MSRA: variants seen among roughly 807,000 people sequenced by gnomAD.
MSRA encodes the protein mitochondrial peptide methionine sulfoxide reductase.
A neutral mutation model predicts 31.3 loss-of-function variants in MSRA; 54 were observed. The ratio of observed to expected loss-of-function variants is 1.73; its 90% CI spans 1.39 to 2.17. The LOEUF (loss-of-function observed/expected upper bound fraction) is 2.17. Among genes scored for constraint, MSRA ranks in the 30% most tolerant of loss-of-function variants. The probability of loss-of-function intolerance (pLI) is 0.00; values close to 1 mark genes in which losing one functional copy is unlikely to be tolerated. For missense variants in MSRA, 507 were observed against 300.9 expected (o/e 1.69, Z -5.07); for synonymous variants, 169 against 116.5 (o/e 1.45, Z -2.90).
intron 3 of MSRA, among the ~76,000 whole-genome samples, chr8:10,248,022 C>A (rs1301036357): frequency 1.3e-5 from 2 of 152,150 alleles, no homozygotes; most frequent in Non-Finnish European, 2.9e-5. Context: ...TCTGAAGCCT[C>A]TGGTGCTCAA....
intron 3 of MSRA, among the ~76,000 whole-genome samples, chr8:10,282,031 G>C (rs1191736314): frequency 6.6e-6 from 1 of 152,190 alleles, no homozygotes; most frequent in Admixed American, 6.5e-5. Context: ...AACAGGGTGG[G>C]TTCTTCCAGA....
intron 5 of MSRA, among the ~76,000 whole-genome samples, chr8:10,416,415 C>T (rs1202609960): frequency 6.6e-6 from 1 of 152,248 alleles, no homozygotes; most frequent in African/African-American, 2.4e-5. Context: ...AGGAAATAAA[C>T]GATTCCATCG....
chr8:10,400,382 T>TGTGTAGTGG (rs10660134), intron 5 of MSRA, among the ~76,000 whole-genome samples: 11 of 91,918 alleles, frequency 1.2e-4, no homozygotes, highest in Non-Finnish European at 2.8e-4. Context: ...TGTGTGTGTG[T>TGTGTAGTGG]GTAGTGTGTA....
chr8:10,410,758 A>G (rs531861706), intron 5 of MSRA, among the ~76,000 whole-genome samples: 3 of 152,328 alleles, frequency 2.0e-5, no homozygotes, highest in African/African-American at 7.2e-5. Context: ...TGCTGCTTTC[A>G]GTGTAGAGTG....
chr8:10,259,879 C>T (rs568101592), intron 3 of MSRA, among the ~76,000 whole-genome samples: 24 of 152,322 alleles, frequency 1.6e-4, no homozygotes, highest in South Asian at 4.1e-4. Flanking sequence ...GTTCCTGACT[C>T]GGGCTCTGCC....
chr8:10,121,237 G>C (rs367546879), intron 1 of MSRA, among the ~76,000 whole-genome samples: 9 of 152,092 alleles, frequency 5.9e-5, no homozygotes, highest in East Asian at 3.9e-4. Context: ...AAATGATGGG[G>C]GTGGGAGCCT....
intron 1 of MSRA, among the ~76,000 whole-genome samples, chr8:10,122,240 C>T (rs1436366163): frequency 6.6e-6 from 1 of 152,086 alleles, no homozygotes; most frequent in Non-Finnish European, 1.5e-5. Context: ...GAGGTGGGTT[C>T]CTGAAACCTG....
intron 1 of MSRA, among the ~76,000 whole-genome samples, chr8:10,168,688 C>T (rs865809288): frequency 6.6e-6 from 1 of 152,130 alleles, no homozygotes; most frequent in African/African-American, 2.4e-5. Flanking sequence ...AGCTGGGATT[C>T]GACCACACTT....
At chr8:10,397,739 G>T (rs893605011) in intron 5 of MSRA, among the ~76,000 whole-genome samples, 2 of 152,194 alleles carry the variant, frequency 1.3e-5, no homozygotes, top group Non-Finnish European at 2.9e-5. Flanking sequence ...ATTTTGCGTG[G>T]AACATGAAGA....
chr8:10,211,967 G>A (rs1244238452), intron 2 of MSRA, among the ~76,000 whole-genome samples: 3 of 152,056 alleles, frequency 2.0e-5, no homozygotes, highest in Non-Finnish European at 4.4e-5. Context: ...GGTGGAAAAT[G>A]GAGGGCAGGG....
intron 1 of MSRA, among the ~76,000 whole-genome samples, chr8:10,197,444 A>G (rs550120323): frequency 3.9e-4 from 59 of 152,284 alleles, no homozygotes; most frequent in African/African-American, 1.3e-3. Context: ...TGCTGTCAAC[A>G]CAGAGGCATG....
At chr8:10,296,740 G>A (rs1002943177) in intron 3 of MSRA, among the ~76,000 whole-genome samples, 21 of 152,186 alleles carry the variant, frequency 1.4e-4, no homozygotes, top group Admixed American at 7.9e-4. Flanking sequence ...TGTGGGTCCC[G>A]AGGAAAGGCA....
rs192208594 is a variant in MSRA at position 10,346,636 on chromosome 8, T to C, written c.543+26647T>C. On this transcript the variant is annotated intron_variant, in intron 5 of 5. Coordinates refer to ENST00000317173, the MANE Select transcript of MSRA (RefSeq NM_012331.5). ...GAAAAGAGGGAAAGCTTCAAGTATG[T>C]CCTGATTGGAGGCTGTTGGCCTGGG... Among the ~76,000 whole-genome samples, 167 of 152,286 alleles carry C rather than the reference T, an allele frequency of 1.1e-3. 2 individuals are homozygous for C. Among genetic ancestry groups the C allele is most frequent in the Non-Finnish European group, 6.2e-4 (42 of 68,024 alleles).
chr8:10,388,033 G>T (rs546110649), intron 5 of MSRA, among the ~76,000 whole-genome samples: 2 of 152,104 alleles, frequency 1.3e-5, no homozygotes, highest in Non-Finnish European at 2.9e-5. Flanking sequence ...CACCTTCTAG[G>T]TTCTCCAATG....
At chr8:10,411,901 G>A (rs1167385335) in intron 5 of MSRA, among the ~76,000 whole-genome samples, 1 of 152,190 alleles carries the variant, frequency 6.6e-6, no homozygotes, top group African/African-American at 2.4e-5. Flanking sequence ...GTGGCGAACA[G>A]CCCTGTTCTG....
At chr8:10,151,261 C>CAA (rs34388218) in intron 1 of MSRA, among the ~76,000 whole-genome samples, 106 of 109,132 alleles carry the variant, frequency 9.7e-4, no homozygotes, top group African/African-American at 2.0e-3. Context: ...GAGTCTGTCT[C>CAA]AAAAAAAAAA....
intron 4 of MSRA, among the ~76,000 whole-genome samples, chr8:10,318,479 A>G (rs1312506093): frequency 6.6e-6 from 1 of 152,168 alleles, no homozygotes; most frequent in Non-Finnish European, 1.5e-5. Context: ...ACACACACGA[A>G]TTCTTTCTGC....
intron 2 of MSRA, among the ~76,000 whole-genome samples, 179 bp from the exon 3 acceptor site, chr8:10,244,925 A>G (rs186207620): frequency 6.6e-6 from 1 of 152,342 alleles, no homozygotes; most frequent in East Asian, 1.9e-4. Flanking sequence ...TGTAAATAAA[A>G]TTATTTACCA....
chr8:10,189,985 A>AT (rs1285802827), intron 1 of MSRA, among the ~76,000 whole-genome samples: 3 of 151,898 alleles, frequency 2.0e-5, no homozygotes, highest in Admixed American at 6.6e-5. Context: ...TTCTCGTGTT[A>AT]TTTTTTGGTG....
Sources: allele counts gnomAD v4.1 joint callset (sites outside exome capture counted in the v4.1 genomes callset), GRCh38; gene constraint gnomAD v4.1.1; transcripts MANE v1.5; gene names NCBI Gene and HGNC (gene_info 2026-07-23, HGNC 2026-07-21).